The following INSC variants were observed in gnomAD, a reference collection of about 807,000 sequenced individuals.
The protein encoded by INSC is protein inscuteable homolog.
Under a neutral mutation model 58.6 loss-of-function variants are expected in INSC, and 67 were observed. The observed-to-expected ratio is 1.14, with a 90% CI of 0.94 to 1.40. The LOEUF (loss-of-function observed/expected upper bound fraction) is 1.40. Among genes scored for constraint, INSC ranks in the 40% most tolerant of loss-of-function variants. INSC has a pLI of 0.00. For missense variants in INSC, 714 were observed against 692.0 expected (o/e 1.03, Z -0.36); for synonymous variants, 262 against 276.1 (o/e 0.95, Z 0.51).
chr11:15,161,623 A>G lies in INSC; in HGVS notation c.56+12393A>G, dbSNP rs565594858. Among the ~76,000 whole-genome samples the G allele has an allele frequency of 2.6e-5, 4 of 152,342 alleles. No homozygotes were observed. The South Asian group carries it at 8.3e-4, about 32-fold the overall frequency. ...CAGATGGGTCAGTGGCAAGTTAGAA[A>G]CATGCCTGTTGCAACCTGCTTAGCA... On this transcript the variant is annotated intron_variant, in intron 2 of 12. Coordinates refer to ENST00000379556, the MANE Select transcript of INSC (RefSeq NM_001042536.3).
chr11:15,245,784 A>T, intron 12 of INSC, 128 bp from the exon 13 acceptor site: 3 of 1,256,894 alleles, frequency 2.4e-6, no homozygotes, highest in Non-Finnish European at 3.3e-6. Context: ...GGCTAACATG[A>T]TGATCAACCC....
At chr11:15,166,674 C>G (rs1467981870) in intron 2 of INSC, among the ~76,000 whole-genome samples, 2 of 152,164 alleles carry the variant, frequency 1.3e-5, no homozygotes, top group Non-Finnish European at 2.9e-5. Flanking sequence ...CTATGCATGT[C>G]TCCCAGGCAG....
At position 15,200,887 on chromosome 11, in the gene INSC, C is replaced by G. The variant is rs768097135; in HGVS notation, c.757C>G (p.Gln253Glu). The G allele has an allele frequency of 6.2e-7, 1 of 1,613,768 alleles. No homozygotes were observed. The highest frequency in any genetic ancestry group is 8.5e-7 in the Non-Finnish European group (1 of 1,180,006). ...RQDSFRCLYP[Q>E]ALRTLASICC... is the part of the protein sequence containing the mutation. Reference sequence around the variant, plus strand: ...GGACAGTTTCCGGTGCTTGTACCCCCAGGCGCTCCGCACGCTGGCCTCCAT... The same window carrying G: ...GGACAGTTTCCGGTGCTTGTACCCCGAGGCGCTCCGCACGCTGGCCTCCAT... Residue 253 changes from glutamine (Q) to glutamate (E), a missense_variant, in exon 7 of 13, where the codon CAG becomes GAG. Transcript: ENST00000379556.
At chr11:15,134,964 T>C (rs1452264794) in intron 1 of INSC, among the ~76,000 whole-genome samples, 1 of 152,150 alleles carries the variant, frequency 6.6e-6, no homozygotes, top group East Asian at 1.9e-4. Context: ...TATAATATAA[T>C]TTAAAATTCT....
At chr11:15,117,889 T>C (rs922964270) in intron 1 of INSC, among the ~76,000 whole-genome samples, 1 of 152,148 alleles carries the variant, frequency 6.6e-6, no homozygotes, top group African/African-American at 2.4e-5. Context: ...ACAAGGGGGA[T>C]AGTTGAGAAT....
At chr11:15,231,621 T>A (rs1164048429) in intron 9 of INSC, among the ~76,000 whole-genome samples, 1 of 152,236 alleles carries the variant, frequency 6.6e-6, no homozygotes, top group Non-Finnish European at 1.5e-5. Flanking sequence ...GAAATCTAAA[T>A]ATTCATCTGG....
intron 7 of INSC, among the ~76,000 whole-genome samples, chr11:15,211,677 G>T (rs1851030924): frequency 6.6e-6 from 1 of 151,842 alleles, no homozygotes; most frequent in Non-Finnish European, 1.5e-5. Flanking sequence ...TTAAAATTTT[G>T]GCTTATGATA....
intron 1 of INSC, among the ~76,000 whole-genome samples, chr11:15,117,786 T>C (rs1017118585): frequency 6.6e-6 from 1 of 152,188 alleles, no homozygotes; most frequent in African/African-American, 2.4e-5. Context: ...TCAATTTGGC[T>C]TCTGTACCTT....
At chr11:15,215,579 C>T (rs1377725685) in intron 7 of INSC, among the ~76,000 whole-genome samples, 1 of 152,226 alleles carries the variant, frequency 6.6e-6, no homozygotes, top group African/African-American at 2.4e-5. Context: ...CCTAGGTAAT[C>T]TCATCTCCTC....
Position 15,246,774 on chromosome 11 carries a change from G to A in INSC, c.*734G>A, listed in dbSNP as rs1259104450. The A allele has an allele frequency of 6.6e-6, 1 of 152,164 alleles. No homozygotes were observed. Among genetic ancestry groups the A allele is most frequent in the Non-Finnish European group, 1.5e-5 (1 of 68,018 alleles). 9.4% of individuals were successfully genotyped at this position (152,164 alleles called of 1,614,324 possible). A position where few individuals can be genotyped will look rare whatever the true frequency, so the allele number is the denominator to read the frequency against. On this transcript the variant is annotated 3_prime_UTR_variant, in exon 13 of 13. Transcript: ENST00000379556. ...TGTGTAACCTCCTGTTCACCTCCTG[G>A]TGAATAGAATCCTCAGATGAGGCTT...
rs118051376 is a variant in INSC, at chr11:15,228,981, A to G, written c.1170+3153A>G. Among the ~76,000 whole-genome samples the G allele has an allele frequency of 4.6e-3, 693 of 152,250 alleles. 2 individuals are homozygous for G. The highest frequency in any genetic ancestry group is 0.012 in the Admixed American group (191 of 15,298). ...CCTGACAAGCAATCTGAATAGTCCT[A>G]TGTTTTCATGCCCAGGAGGTATTTT... On this transcript the variant is annotated intron_variant, in intron 9 of 12. Coordinates refer to ENST00000379556, the MANE Select transcript of INSC (RefSeq NM_001042536.3).
chr11:15,174,712 A>T (rs538036442), intron 2 of INSC, among the ~76,000 whole-genome samples: 1 of 152,162 alleles, frequency 6.6e-6, no homozygotes, highest in East Asian at 1.9e-4. Flanking sequence ...GAAATTTGTT[A>T]TTGTCTTTTT....
At chr11:15,134,158 T>C (rs1848187366) in intron 1 of INSC, among the ~76,000 whole-genome samples, 1 of 152,190 alleles carries the variant, frequency 6.6e-6, no homozygotes, top group African/African-American at 2.4e-5. Flanking sequence ...GGAATATGTG[T>C]AAGACACTTA....
chr11:15,175,842 G>C lies in INSC; in HGVS notation c.158G>C (p.Ser53Thr). Residue 53 changes from serine (S) to threonine (T), a missense_variant, in exon 3 of 13, where the codon AGC becomes ACC. Ser to Thr is a moderately conservative substitution (Grantham distance 58, BLOSUM62 1). Coordinates refer to ENST00000379556, the MANE Select transcript of INSC (RefSeq NM_001042536.3). ...CMCVLQAKPI[S>T]LEEDAQGDLI... The stretch of plus-strand genomic sequence containing the variant: ...TGTGTCCTGCAGGCCAAGCCCATCA[G>C]CCTGGAAGAGGATGCACAGGGTGAC... 2.5e-6 allele frequency: 4 copies of C among 1,613,378 alleles called. No individual in the cohort carries two copies. The South Asian group carries it at 4.4e-5, about 18-fold the overall frequency.
At chr11:15,250,589 A>C (rs530186434), downstream of INSC, among the ~76,000 whole-genome samples, 12 of 152,254 alleles carry the variant, frequency 7.9e-5, no homozygotes, top group African/African-American at 2.2e-4. Flanking sequence ...AGTCCTTAGG[A>C]TTATGAAGTT....
chr11:15,182,293 C>A (rs953030184), intron 5 of INSC, among the ~76,000 whole-genome samples: 4 of 152,048 alleles, frequency 2.6e-5, no homozygotes, highest in African/African-American at 9.7e-5. Flanking sequence ...GATACATGCT[C>A]ATCTGTAGCC....
At chr11:15,132,912 T>C (rs1370993592) in intron 1 of INSC, among the ~76,000 whole-genome samples, 1 of 152,212 alleles carries the variant, frequency 6.6e-6, no homozygotes, top group South Asian at 2.1e-4. Context: ...TTTCCTTTGA[T>C]TGCTTTCAAA....
intron 12 of INSC, among the ~76,000 whole-genome samples, chr11:15,245,412 G>A (rs763620306): frequency 3.3e-5 from 5 of 152,158 alleles, no homozygotes; most frequent in Non-Finnish European, 5.9e-5. Context: ...CTCATTGTGT[G>A]GGGAGCTGGG....
chr11:15,262,573 C>T, the INSC span, among the ~76,000 whole-genome samples: 1 of 151,706 alleles, frequency 6.6e-6, no homozygotes, highest in African/African-American at 2.4e-5. Flanking sequence ...TGATTCTTGG[C>T]ACCAATAGAG....
Sources: allele counts gnomAD v4.1 joint callset (sites outside exome capture counted in the v4.1 genomes callset), GRCh38; gene constraint gnomAD v4.1.1; transcripts MANE v1.5; gene names NCBI Gene and HGNC (gene_info 2026-07-23, HGNC 2026-07-21).